Variants in ETS2 observed in about 807,000 individuals in gnomAD.
ETS2 encodes the protein protein C-ets-2.
A neutral mutation model predicts 54.9 loss-of-function variants in ETS2; 19 were observed. The observed-to-expected ratio is 0.35, with a 90% CI of 0.24 to 0.51. ETS2 has a LOEUF of 0.51. Ranked by LOEUF, ETS2 falls within the 20% of genes least tolerant of loss-of-function variation. The pLI, the probability that ETS2 is intolerant of heterozygous loss-of-function variation, is 0.97. For synonymous variants in ETS2, 219 were observed against 229.3 expected (o/e 0.95, Z 0.41); for missense variants, 417 against 593.0 (o/e 0.70, Z 3.08).
At chr21:38,816,945 A>C in intron 5 of ETS2, 63 bp from the exon 6 acceptor site, 1 of 877,690 alleles carries the variant, frequency 1.1e-6, no homozygotes, top group Non-Finnish European at 1.9e-6. Flanking sequence ...TCAGAAAGTC[A>C]ATTTGTTCTG....
chr21:38,814,744 T>C lies in ETS2; in HGVS notation c.305-37T>C. The C allele has an allele frequency of 6.3e-7, 1 of 1,587,434 alleles. No individual in the cohort carries two copies. Among genetic ancestry groups the C allele is most frequent in the Non-Finnish European group, 8.6e-7 (1 of 1,156,526 alleles). ...GGTCTCACTACCTTTCCACTGTTTTTACCTCATGTGTTCCATTTTTTCTTC... is the reference window on the plus strand; with the variant it reads ...GGTCTCACTACCTTTCCACTGTTTTCACCTCATGTGTTCCATTTTTTCTTC... On this transcript the variant is annotated intron_variant, in intron 4 of 9. Coordinates refer to ENST00000360938, the MANE Select transcript of ETS2 (RefSeq NM_005239.6). The surrounding 1 kb of genome is among the most constrained non-coding windows in gnomAD (Gnocchi z 4.2).
At chr21:38,805,524 C>T (rs940690903), upstream of ETS2, 4 of 1,287,210 alleles carry the variant, frequency 3.1e-6, no homozygotes, top group African/African-American at 1.5e-5. This position sits in a 1 kb window ranked among gnomAD's most constrained non-coding sequence, Gnocchi z 5.2. Flanking sequence ...AGGGCGCACA[C>T]TCGCGCGCAC....
Position 38,814,777 on chromosome 21 carries a change from G to A in ETS2, c.305-4G>A. On this transcript the variant is annotated splice_polypyrimidine_tract_variant and splice_region_variant and intron_variant, in intron 4 of 9. Transcript: ENST00000360938. The surrounding 1 kb of genome is among the most constrained non-coding windows in gnomAD (Gnocchi z 4.2). ...GTGTTCCATTTTTTCTTCTCTCCTG[G>A]TAGACCCCTGGCTGTGGAGTGAGCA... 3 of 1,613,548 alleles carry A rather than the reference G, an allele frequency of 1.9e-6. No individual in the cohort carries two copies. The East Asian group carries it at 6.7e-5, about 36-fold the overall frequency.
rs1255638631 is a variant in ETS2 at position 38,806,904 on chromosome 21, A to G, written c.-1+784A>G. ...GACCTTTTATGTTAGCCTGTACACAATTTCAGGGTAGCCTAAAACAGTAGT... is the reference window on the plus strand; with the variant it reads ...GACCTTTTATGTTAGCCTGTACACAGTTTCAGGGTAGCCTAAAACAGTAGT... On this transcript the variant is annotated intron_variant, in intron 1 of 9. Coordinates refer to ENST00000360938, the MANE Select transcript of ETS2 (RefSeq NM_005239.6). This position sits in a 1 kb window ranked among gnomAD's most constrained non-coding sequence, Gnocchi z 4.3. 2.2e-6 allele frequency: 2 copies of G among 910,588 alleles called. No homozygotes were observed. The highest frequency in any genetic ancestry group is 2.6e-6 in the Non-Finnish European group (2 of 761,576). The allele number at this position is 910,588 out of a possible 1,614,324, so 56.4% of individuals were successfully genotyped here.
At position 38,814,410 on chromosome 21, in the gene ETS2, G is replaced by A. The variant is rs372768170; in HGVS notation, c.304+18G>A. 3.1e-6 allele frequency: 5 copies of A among 1,613,104 alleles called. No individual in the cohort carries two copies. The African/African-American group carries it at 6.7e-5, about 22-fold the overall frequency. On this transcript the variant is annotated intron_variant, in intron 4 of 9. Coordinates refer to ENST00000360938, the MANE Select transcript of ETS2 (RefSeq NM_005239.6). This position sits in a 1 kb window ranked among gnomAD's most constrained non-coding sequence, Gnocchi z 4.2. ...TCCAAAGAGTAAGTACTGCTTTCCTGAGCCTGCACTGGGTGAGAAGAACCA... is the reference window on the plus strand; with the variant it reads ...TCCAAAGAGTAAGTACTGCTTTCCTAAGCCTGCACTGGGTGAGAAGAACCA...
intron 9 of ETS2, among the ~76,000 whole-genome samples, chr21:38,822,465 T>C (rs963349229): frequency 6.6e-6 from 1 of 152,118 alleles, no homozygotes; most frequent in Non-Finnish European, 1.5e-5. Context: ...CATTCCCCAG[T>C]GGTTCTGCCC....
chr21:38,813,167 A>G, intron 3 of ETS2, 53 bp downstream of exon 3: 1 of 1,098,134 alleles, frequency 9.1e-7, no homozygotes, highest in Non-Finnish European at 1.4e-6. Flanking sequence ...TAAGTAGTTC[A>G]GTTAATAAAG....
chr21:38,817,873 G>T (rs1294233452), intron 6 of ETS2, among the ~76,000 whole-genome samples: 3 of 152,214 alleles, frequency 2.0e-5, no homozygotes, highest in African/African-American at 7.2e-5. Context: ...CTGCTCAGGA[G>T]GTCTTTCTGA....
chr21:38,805,981 C>T lies in ETS2; in HGVS notation c.-140C>T. On this transcript the variant is annotated 5_prime_UTR_variant, in exon 1 of 10. Transcript: ENST00000360938. This position sits in a 1 kb window ranked among gnomAD's most constrained non-coding sequence, Gnocchi z 5.2. ...GCGGTGTCGCTCCAGCTCAGAGCTCCCGGAGCCGCCCGGCCAGCGTCCGGC... is the reference window on the plus strand; with the variant it reads ...GCGGTGTCGCTCCAGCTCAGAGCTCTCGGAGCCGCCCGGCCAGCGTCCGGC... The T allele has an allele frequency of 3.2e-6, 4 of 1,264,094 alleles. No homozygotes were observed. The highest frequency in any genetic ancestry group is 4.1e-6 in the Non-Finnish European group (4 of 979,152). The allele number at this position is 1,264,094 out of a possible 1,614,324, so 78.3% of individuals were successfully genotyped here.
intron 5 of ETS2, 84 bp downstream of exon 5, chr21:38,815,065 T>C (rs1191431036): frequency 1.8e-5 from 25 of 1,384,396 alleles, no homozygotes; most frequent in Non-Finnish European, 2.3e-5. Context: ...TGGGTGTTCT[T>C]CAACCTTAGG....
In ETS2 at chr21:38,821,504, A is replaced by G; in HGVS notation, c.1076-82A>G. 1 of 986,768 alleles carries G rather than the reference A, an allele frequency of 1.0e-6. No individual in the cohort carries two copies. Among genetic ancestry groups the G allele is most frequent in the Non-Finnish European group, 1.6e-6 (1 of 619,986 alleles). 61.1% of individuals were successfully genotyped at this position (986,768 alleles called of 1,614,324 possible). ...GTTGGGTCTGCATTCCTAAATCAGCATGTACAATTAGGATGGTTAAAGACT... is the reference window on the plus strand; with the variant it reads ...GTTGGGTCTGCATTCCTAAATCAGCGTGTACAATTAGGATGGTTAAAGACT... On this transcript the variant is annotated intron_variant, in intron 8 of 9. Transcript: ENST00000360938. The surrounding 1 kb of genome is among the most constrained non-coding windows in gnomAD (Gnocchi z 4.2).
upstream of ETS2, chr21:38,805,538 G>A (rs1162619985): frequency 2.3e-6 from 3 of 1,286,614 alleles, no homozygotes; most frequent in Non-Finnish European, 3.0e-6. The surrounding 1 kb of genome is among the most constrained non-coding windows in gnomAD (Gnocchi z 5.2). Context: ...CGCGCACGTG[G>A]GGCCGAGGCC....
chr21:38,819,568 C>T lies in ETS2; in HGVS notation c.877C>T (p.Leu293Phe), dbSNP rs2060949176. ...ADSFESSDSL[L>F]QSWNSQSSLL... is the part of the protein sequence containing the mutation. The stretch of plus-strand genomic sequence containing the variant: ...CAGCTTCGAGAGCTCAGACTCCCTC[C>T]TCCAGTCCTGGAACAGCCAGTCGTC... Residue 293 changes from leucine (L) to phenylalanine (F), a missense_variant, in exon 8 of 10, where the codon CTC becomes TTC. This residue lies in a region of ETS2 where 326 missense variants were observed against 426.1 expected (regional missense o/e 0.76). Transcript: ENST00000360938. 1 of 1,614,220 alleles carries T rather than the reference C, an allele frequency of 6.2e-7. No individual in the cohort carries two copies. Among genetic ancestry groups the T allele is most frequent in the East Asian group, 2.2e-5 (1 of 44,872 alleles).
At chr21:38,810,150 G>A (rs751075381) in intron 2 of ETS2, 44 bp downstream of exon 2, 5 of 1,212,454 alleles carry the variant, frequency 4.1e-6, no homozygotes, top group African/African-American at 1.6e-5. Flanking sequence ...TGGAAAACTC[G>A]ATCTCTAGGA....
rs930283808 is a variant in ETS2, at chr21:38,806,997, T to A, written c.-1+877T>A. ...CTTTGGAGACAGGAGTAATTTATTTTAATTCGCCAGTAAGAGATTATATTT... is the reference window on the plus strand; with the variant it reads ...CTTTGGAGACAGGAGTAATTTATTTAAATTCGCCAGTAAGAGATTATATTT... On this transcript the variant is annotated intron_variant, in intron 1 of 9. Transcript: ENST00000360938. This position sits in a 1 kb window ranked among gnomAD's most constrained non-coding sequence, Gnocchi z 4.3. Among the ~76,000 whole-genome samples, 5 of 152,226 alleles carry A rather than the reference T, an allele frequency of 3.3e-5. No homozygotes were observed. The highest frequency in any genetic ancestry group is 6.5e-5 in the Admixed American group (1 of 15,288).
Position 38,805,997 on chromosome 21 carries a change from A to G in ETS2, c.-124A>G. ...TCAGAGCTCCCGGAGCCGCCCGGCCAGCGTCCGGCCTCCCTGATCGTCTCT... is the reference window on the plus strand; with the variant it reads ...TCAGAGCTCCCGGAGCCGCCCGGCCGGCGTCCGGCCTCCCTGATCGTCTCT... On this transcript the variant is annotated 5_prime_UTR_variant, in exon 1 of 10. Transcript: ENST00000360938. This position sits in a 1 kb window ranked among gnomAD's most constrained non-coding sequence, Gnocchi z 5.2. 7.9e-7 allele frequency: 1 copy of G among 1,263,512 alleles called. No homozygotes were observed. Among genetic ancestry groups the G allele is most frequent in the Non-Finnish European group, 1.0e-6 (1 of 978,932 alleles). 78.3% of individuals were successfully genotyped at this position (1,263,512 alleles called of 1,614,324 possible).
At chr21:38,815,944 AAGG>A in intron 5 of ETS2, among the ~76,000 whole-genome samples, 1 of 22 alleles carries the variant, frequency 0.045, no homozygotes, top group Non-Finnish European at 0.5. Context: ...GAAAGGAAGG[AAGG>A]AAGGAAGGAA....
At chr21:38,815,632 G>A (rs931629466) in intron 5 of ETS2, among the ~76,000 whole-genome samples, 1 of 151,698 alleles carries the variant, frequency 6.6e-6, no homozygotes, top group Non-Finnish European at 1.5e-5. Flanking sequence ...AACATGTTGA[G>A]TTAAAAAAGA....
intron 7 of ETS2, 104 bp downstream of exon 7, chr21:38,818,750 G>A (rs960975215): frequency 7.5e-7 from 1 of 1,333,384 alleles, no homozygotes; most frequent in Non-Finnish European, 1.1e-6. Flanking sequence ...AGCCATTAGA[G>A]AAGGGGGTCA....
Sources: gnomAD v4.1 joint callset for allele counts (sites outside exome capture counted in the v4.1 genomes callset) on GRCh38, gnomAD v4.1.1 for gene constraint, gnomAD v4.1.1 regional missense constraint, Gnocchi (gnomAD v3.1) non-coding constraint, MANE v1.5 for transcripts, NCBI Gene and HGNC (gene_info 2026-07-23, HGNC 2026-07-21) for gene names.